Variants in KIF14 observed in about 807,000 individuals in gnomAD.
KIF14 encodes the protein kinesin-like protein KIF14.
In KIF14, 98 loss-of-function variants were observed where a neutral mutation model predicts 176.2. The observed-to-expected ratio is 0.56, with a 90% CI of 0.47 to 0.66. The LOEUF is 0.66. Ranked by LOEUF, KIF14 falls within the 30% of genes least tolerant of loss-of-function variation. KIF14 has a pLI of 0.00. For missense variants in KIF14, 1,751 were observed against 1,920.4 expected (o/e 0.91, Z 1.65); for synonymous variants, 566 against 632.2 (o/e 0.90, Z 1.57).
At chr1:200,598,667 T>A (rs1463309548) in intron 13 of KIF14, among the ~76,000 whole-genome samples, 1 of 152,212 alleles carries the variant, frequency 6.6e-6, no homozygotes, top group Non-Finnish European at 1.5e-5. Flanking sequence ...CAAACGATTC[T>A]CCTGCTTCAG....
At chr1:200,569,796 G>A (rs1049131855) in intron 23 of KIF14, 115 bp downstream of exon 23, 8 of 536,552 alleles carry the variant, frequency 1.5e-5, no homozygotes, top group Non-Finnish European at 2.6e-5. Context: ...TTTTACAGAG[G>A]AATCAGAAGC....
chr1:200,553,377 C>T lies in KIF14; in HGVS notation c.*11G>A, dbSNP rs188413985. ...TCATGGGTGGTCATAAAAGTGCCTA[C>T]ACATCAGTATTCACACCCACTGAAT... is the stretch of plus-strand genomic sequence containing the variant. On this transcript the variant is annotated 3_prime_UTR_variant, in exon 30 of 30. Coordinates refer to ENST00000367350, the MANE Select transcript of KIF14 (RefSeq NM_014875.3). 2.4e-5 allele frequency: 37 copies of T among 1,564,668 alleles called. No individual in the cohort carries two copies. The highest frequency in any genetic ancestry group is 3.5e-4 in the Middle Eastern group (2 of 5,744).
At chr1:200,598,505 C>T (rs983460963) in intron 13 of KIF14, 84 bp from the exon 14 acceptor site, 3 of 871,160 alleles carry the variant, frequency 3.4e-6, no homozygotes, top group Admixed American at 3.0e-5. Flanking sequence ...CTATATTAAA[C>T]ATTAAAACAA....
intron 3 of KIF14, among the ~76,000 whole-genome samples, chr1:200,614,732 C>T (rs75843258): frequency 2.0e-5 from 3 of 147,918 alleles, no homozygotes; most frequent in Non-Finnish European, 4.4e-5. Flanking sequence ...CTTGGGACCC[C>T]TCCACGCTGT....
intron 7 of KIF14, 81 bp downstream of exon 7, chr1:200,605,783 G>T: frequency 3.5e-6 from 3 of 846,976 alleles, no homozygotes; most frequent in Non-Finnish European, 5.4e-6. Flanking sequence ...TTGTAAAACA[G>T]CAATTAAGAA....
intron 4 of KIF14, among the ~76,000 whole-genome samples, chr1:200,609,189 A>G (rs1244973702): frequency 2.0e-5 from 3 of 152,174 alleles, no homozygotes; most frequent in Non-Finnish European, 2.9e-5. Context: ...CAAAATCACA[A>G]TGAAAAACAA....
In KIF14 at chr1:200,589,680, T is replaced by C. The variant is rs946804355; in HGVS notation, c.2962-311A>G. Reference sequence around the variant, plus strand: ...CGCCACCAACTTTTTTCTTTTTTTTTTTTTTTTTTTTTTTTTTGAGACAGA... The same window carrying C: ...CGCCACCAACTTTTTTCTTTTTTTTCTTTTTTTTTTTTTTTTTGAGACAGA... On this transcript the variant is annotated intron_variant, in intron 17 of 29. Transcript: ENST00000367350. Among the ~76,000 whole-genome samples the C allele has an allele frequency of 2.3e-3, 321 of 137,058 alleles. 2 individuals carry two copies. Among genetic ancestry groups the C allele is most frequent in the African/African-American group, 8.5e-3 (309 of 36,168 alleles). The allele number at this position is 137,058 out of a possible 152,430, so 89.9% of individuals were successfully genotyped here. A position where few individuals can be genotyped will look rare whatever the true frequency, so the allele number is the denominator to read the frequency against.
intron 2 of KIF14, among the ~76,000 whole-genome samples, chr1:200,616,941 G>A (rs1007346154): frequency 6.6e-6 from 1 of 152,120 alleles, no homozygotes; most frequent in Admixed American, 6.5e-5. Context: ...GGTTTTGAAA[G>A]GACCTCTTTA....
Position 200,618,161 on chromosome 1 carries a change from A to C in KIF14, c.563T>G (p.Ile188Ser). The C allele has an allele frequency of 1.9e-6, 3 of 1,614,056 alleles. No individual in the cohort carries two copies. Among genetic ancestry groups the C allele is most frequent in the Non-Finnish European group, 2.5e-6 (3 of 1,179,988 alleles). ...SVPLDEDPQVIEMMADKKYKE... is the reference protein window; with the variant it reads ...SVPLDEDPQVSEMMADKKYKE... ...GTATTTCTTATCAGCCATCATTTCA[A>C]TGACCTGTGGATCTTCATCTAAAGG... Residue 188 changes from isoleucine to serine, a missense_variant, in exon 2 of 30, where the codon ATT (isoleucine) becomes AGT (serine). Transcript: ENST00000367350.
At chr1:200,575,862 C>T (rs1344776819) in intron 21 of KIF14, among the ~76,000 whole-genome samples, 171 bp from the exon 22 acceptor site, 4 of 151,786 alleles carry the variant, frequency 2.6e-5, no homozygotes, top group Non-Finnish European at 4.4e-5. Context: ...GTCAATCACA[C>T]GATGACAGGG....
intron 19 of KIF14, among the ~76,000 whole-genome samples, chr1:200,583,715 G>C (rs1319607337): frequency 1.3e-5 from 2 of 152,122 alleles, no homozygotes; most frequent in East Asian, 3.9e-4. Flanking sequence ...GCCGAGGCAG[G>C]CAGATCACCT....
rs530704246 is a variant in KIF14, at chr1:200,618,371, C to T, written c.353G>A (p.Arg118His). 1.8e-5 allele frequency: 29 copies of T among 1,614,078 alleles called. No individual in the cohort carries two copies. In the South Asian group the frequency reaches 2.2e-4, roughly 12 times the overall value. The change falls in exon 2 of 30, where the codon CGT (arginine) becomes CAT (histidine). Residue 118 changes from arginine (R) to histidine (H), a missense_variant. By Grantham distance (29) the Arg-to-His change is conservative. Coordinates refer to ENST00000367350, the MANE Select transcript of KIF14 (RefSeq NM_014875.3). ...TTTAGCACGACGTTGTAATGTAAGA[C>T]GTGTTTCTGCTGTTTTTTCAGTTGT... ...EDTTEKTAET[R>H]LTLQRRAKTD...
At chr1:200,582,861 G>GA (rs555870188) in intron 19 of KIF14, among the ~76,000 whole-genome samples, 2,607 of 125,918 alleles carry the variant, frequency 0.021, 116 homozygotes, top group East Asian at 0.16. Flanking sequence ...CTCTGTCTCA[G>GA]AAAAAAAAAA....
At chr1:200,599,384 A>G (rs1273022964) in intron 13 of KIF14, among the ~76,000 whole-genome samples, 1 of 152,158 alleles carries the variant, frequency 6.6e-6, no homozygotes, top group Non-Finnish European at 1.5e-5. Context: ...ACTTTCAGAG[A>G]ATTTTCTCTT....
In KIF14 at chr1:200,552,197, GA is replaced by G. The variant is rs1656571120; in HGVS notation, c.*1190del. 2 of 151,336 alleles carry G rather than the reference GA, an allele frequency of 1.3e-5. No homozygotes were observed. Among genetic ancestry groups the G allele is most frequent in the Admixed American group, 6.6e-5 (1 of 15,144 alleles). 9.4% of individuals were successfully genotyped at this position (151,336 alleles called of 1,614,324 possible). A position where few individuals can be genotyped will look rare whatever the true frequency, so the allele number is the denominator to read the frequency against. ...TTTTTTTAAATGAATTATTCTTTAG[GA>G]ACTGCTCAATATCACCCAAGCATAG... On this transcript the variant is annotated 3_prime_UTR_variant, in exon 30 of 30. Transcript: ENST00000367350.
At position 200,608,849 on chromosome 1, in the gene KIF14, T is replaced by C. The variant is rs1382773677; in HGVS notation, c.1535A>G (p.Asn512Ser). 1 of 1,602,472 alleles carries C rather than the reference T, an allele frequency of 6.2e-7. No homozygotes were observed. Among genetic ancestry groups the C allele is most frequent in the Non-Finnish European group, 8.5e-7 (1 of 1,170,272 alleles). ...IHDLLVCKDENGQRKQPLRVR... is the reference protein window; with the variant it reads ...IHDLLVCKDESGQRKQPLRVR... ...TCTTACTGGTTGCTTTCTCTGCCCATTTTCATCTTTACAAACCAGAAGGTC... is the reference window on the plus strand; with the variant it reads ...TCTTACTGGTTGCTTTCTCTGCCCACTTTCATCTTTACAAACCAGAAGGTC... The change falls in exon 5 of 30, where the codon AAT becomes AGT. Residue 512 changes from asparagine (N) to serine (S), a missense_variant. By Grantham distance (46) the Asn-to-Ser change is conservative. Coordinates refer to ENST00000367350, the MANE Select transcript of KIF14 (RefSeq NM_014875.3).
chr1:200,562,231 T>G (rs1657203225), intron 25 of KIF14, among the ~76,000 whole-genome samples: 1 of 152,200 alleles, frequency 6.6e-6, no homozygotes, highest in African/African-American at 2.4e-5. Context: ...AGTCGCCTGG[T>G]CTCTCCATCC....
intron 5 of KIF14, among the ~76,000 whole-genome samples, chr1:200,607,502 A>G (rs1159723445): frequency 6.6e-6 from 1 of 152,214 alleles, no homozygotes; most frequent in East Asian, 1.9e-4. Flanking sequence ...TGATTTATAT[A>G]CTTTTAAATG....
chr1:200,554,796 C>T (rs1361567290), intron 28 of KIF14, among the ~76,000 whole-genome samples, 190 bp from the exon 29 acceptor site: 1 of 152,054 alleles, frequency 6.6e-6, no homozygotes, highest in African/African-American at 2.4e-5. Flanking sequence ...CAAAAGAAAT[C>T]AGAATTTTCA....
Sources: allele counts gnomAD v4.1 joint callset (sites outside exome capture counted in the v4.1 genomes callset), GRCh38; gene constraint gnomAD v4.1.1; transcripts MANE v1.5; gene names NCBI Gene and HGNC (gene_info 2026-07-23, HGNC 2026-07-21).